RBFOX1: variants seen among roughly 807,000 people sequenced by gnomAD.
The protein encoded by RBFOX1 is RNA binding fox-1 homolog 1, also known as RNA binding protein fox-1 homolog 1.
Under a neutral mutation model 57.7 loss-of-function variants are expected in RBFOX1, and 8 were observed. The ratio of observed to expected loss-of-function variants is 0.14; its 90% confidence interval spans 0.08 to 0.25. The LOEUF is 0.25. Among genes scored for constraint, RBFOX1 ranks in the 10% least tolerant of loss-of-function variants. The pLI, the probability that RBFOX1 is intolerant of heterozygous loss-of-function variation, is 1.00. For synonymous variants in RBFOX1, 326 were observed against 222.4 expected, an observed-to-expected ratio of 1.47 and a Z score of -4.15; for missense variants, 611 against 548.5, an observed-to-expected ratio of 1.11 and a Z score of -1.14.
At chr16:6,911,606 C>T (rs1289599575) in intron 3 of RBFOX1, among the ~76,000 whole-genome samples, 1 of 152,176 alleles carries the variant, frequency 6.6e-6, no homozygotes, top group Admixed American at 6.5e-5. Context: ...AAAGACCCTG[C>T]TTCCAAATCA....
intron 2 of RBFOX1, among the ~76,000 whole-genome samples, chr16:6,616,738 A>C (rs1281646636): frequency 6.6e-6 from 1 of 152,200 alleles, no homozygotes; most frequent in Non-Finnish European, 1.5e-5. Context: ...CCCGGCAATA[A>C]GTTTTCTTAA....
chr16:7,442,413 G>A (rs570204825), intron 4 of RBFOX1, among the ~76,000 whole-genome samples: 1 of 152,126 alleles, frequency 6.6e-6, no homozygotes, highest in East Asian at 1.9e-4. Flanking sequence ...TCTGGGCCCT[G>A]CAACTCTGTG....
At position 7,624,572 on chromosome 16, in the gene RBFOX1, T is replaced by C. The variant is rs73490651; in HGVS notation, c.677-6031T>C. Among the ~76,000 whole-genome samples, 1,471 of 152,322 alleles carry C rather than the reference T, an allele frequency of 9.7e-3. 19 individuals are homozygous for C. Among genetic ancestry groups the C allele is most frequent in the African/African-American group, 0.033 (1,380 of 41,574 alleles). ...AGTGCCTGGCACATAGACGAGTAGA[T>C]GCCAATAAGTACCAGCCAAATGAAT... On this transcript the variant is annotated intron_variant, in intron 10 of 15. Coordinates refer to ENST00000550418, the MANE Select transcript of RBFOX1 (RefSeq NM_018723.4).
chr16:7,664,831 T>C (rs2068758066), intron 12 of RBFOX1, 98 bp from the exon 13 acceptor site: 1 of 1,603,908 alleles, frequency 6.2e-7, no homozygotes, highest in Non-Finnish European at 8.5e-7. Flanking sequence ...GTGTTTTGGA[T>C]CTTGTGACCA....
chr16:5,572,057 G>T (rs1273938863), intron 2 of RBFOX1, among the ~76,000 whole-genome samples: 1 of 152,122 alleles, frequency 6.6e-6, no homozygotes, highest in African/African-American at 2.4e-5. Flanking sequence ...TCCTGACATA[G>T]AACAAGCTCT....
At chr16:7,498,916 A>G (rs1277672381) in intron 4 of RBFOX1, among the ~76,000 whole-genome samples, 1 of 152,204 alleles carries the variant, frequency 6.6e-6, no homozygotes, top group East Asian at 1.9e-4. Flanking sequence ...TAAGCAACAG[A>G]TTAAGAGGAT....
intron 1 of RBFOX1, among the ~76,000 whole-genome samples, chr16:6,102,418 T>C (rs927893141): frequency 6.6e-6 from 1 of 152,232 alleles, no homozygotes; most frequent in African/African-American, 2.4e-5. Flanking sequence ...CTTCAGTCTC[T>C]AAGTCTTACA....
intron 3 of RBFOX1, among the ~76,000 whole-genome samples, chr16:6,858,745 C>G (rs539298349): frequency 1.1e-4 from 16 of 151,948 alleles, no homozygotes; most frequent in South Asian, 2.1e-4. Context: ...CAGTGTATAC[C>G]AAAAACACAT....
chr16:7,450,608 G>A (rs1055782241), intron 4 of RBFOX1, among the ~76,000 whole-genome samples: 2 of 152,056 alleles, frequency 1.3e-5, no homozygotes, highest in African/African-American at 2.4e-5. Flanking sequence ...TGTGACATCT[G>A]GGATTCCAGG....
intron 1 of RBFOX1, among the ~76,000 whole-genome samples, chr16:5,315,259 G>A (rs1392994745): frequency 6.6e-6 from 1 of 152,174 alleles, no homozygotes; most frequent in East Asian, 1.9e-4. Context: ...GGGGGAGGAG[G>A]CCGTCCGTCT....
Position 5,841,654 on chromosome 16 carries a change from T to C in RBFOX1, c.319-25649T>C, listed in dbSNP as rs183782468. Reference sequence around the variant, plus strand: ...TCTCTATCTGTCTAGTCATTGTTGATCTGAAACTCAGGTGTAAGTCATGGG... The same window carrying C: ...TCTCTATCTGTCTAGTCATTGTTGACCTGAAACTCAGGTGTAAGTCATGGG... On this transcript the variant is annotated intron_variant, in intron 3 of 19. Transcript: ENST00000641259. Among the ~76,000 whole-genome samples the C allele has an allele frequency of 5.4e-4, 83 of 152,314 alleles. 1 individual carries two copies. The highest frequency in any genetic ancestry group is 1.9e-3 in the African/African-American group (78 of 41,562).
At chr16:6,045,908 C>A (rs375656469) in intron 1 of RBFOX1, among the ~76,000 whole-genome samples, 42 of 152,260 alleles carry the variant, frequency 2.8e-4, no homozygotes, top group South Asian at 1.4e-3. Flanking sequence ...AGGGCAAAGG[C>A]CCTGAAGTAG....
chr16:7,007,061 C>T (rs2093346818), intron 3 of RBFOX1, among the ~76,000 whole-genome samples: 1 of 152,188 alleles, frequency 6.6e-6, no homozygotes, highest in Non-Finnish European at 1.5e-5. Flanking sequence ...CTGGTTTCTA[C>T]ACTGTGAGTT....
intron 3 of RBFOX1, among the ~76,000 whole-genome samples, chr16:5,712,326 C>T (rs1033791554): frequency 6.6e-6 from 1 of 152,188 alleles, no homozygotes; most frequent in Non-Finnish European, 1.5e-5. Flanking sequence ...CAACCACCTT[C>T]TAGGAGATTA....
At chr16:7,603,595 G>A (rs959092893) in intron 9 of RBFOX1, among the ~76,000 whole-genome samples, 1 of 152,098 alleles carries the variant, frequency 6.6e-6, no homozygotes, top group Non-Finnish European at 1.5e-5. Context: ...ACATGAAGTC[G>A]ACTTTGTGAA....
At chr16:7,328,174 T>C (rs191772589) in intron 4 of RBFOX1, among the ~76,000 whole-genome samples, 147 of 152,182 alleles carry the variant, frequency 9.7e-4, no homozygotes, top group Non-Finnish European at 1.9e-3. Context: ...CAGCTTATGT[T>C]AGCTGTTAAG....
intron 3 of RBFOX1, among the ~76,000 whole-genome samples, chr16:5,703,878 G>C (rs944695462): frequency 1.3e-5 from 2 of 152,098 alleles, no homozygotes; most frequent in Non-Finnish European, 1.5e-5. Flanking sequence ...TGTATGCATG[G>C]CTTACAAAGG....
At position 7,705,502 on chromosome 16, in the gene RBFOX1, C is replaced by CA. The variant is rs1365356436; in HGVS notation, c.996-3547dup. Reference sequence around the variant, plus strand: ...CCTTAGCAACAGAGCAAGACCAACTCAAAAAAATATTAAATTTTTTAAAAA... The same window carrying CA: ...CCTTAGCAACAGAGCAAGACCAACTCAAAAAAAATATTAAATTTTTTAAAAA... On this transcript the variant is annotated intron_variant, in intron 14 of 15. Coordinates refer to ENST00000550418, the MANE Select transcript of RBFOX1 (RefSeq NM_018723.4). Among the ~76,000 whole-genome samples the CA allele has an allele frequency of 2.6e-5, 4 of 152,052 alleles. No homozygotes were observed. The East Asian group carries it at 5.8e-4, about 22-fold the overall frequency.
chr16:6,061,259 A>G (rs139485578), intron 1 of RBFOX1, among the ~76,000 whole-genome samples: 1 of 152,294 alleles, frequency 6.6e-6, no homozygotes, highest in Non-Finnish European at 1.5e-5. Flanking sequence ...GTGCGAAGTT[A>G]CCAAACATAT....
Sources: allele counts gnomAD v4.1 joint callset (sites outside exome capture counted in the v4.1 genomes callset), GRCh38; gene constraint gnomAD v4.1.1; transcripts MANE v1.5; gene names NCBI Gene and HGNC (gene_info 2026-07-23, HGNC 2026-07-21).